Variants in PKNOX2 observed in about 807,000 individuals in gnomAD.
PKNOX2 encodes the protein homeobox protein PKNOX2.
A neutral mutation model predicts 53.1 loss-of-function variants in PKNOX2; 14 were observed. The ratio of observed to expected loss-of-function variants is 0.26; its 90% confidence interval spans 0.17 to 0.41. The LOEUF (loss-of-function observed/expected upper bound fraction) is 0.41. PKNOX2 is among the 10% of genes least tolerant of loss of function. The probability of loss-of-function intolerance (pLI) is 1.00; values close to 1 mark genes in which losing one functional copy is unlikely to be tolerated. For synonymous variants in PKNOX2, 257 were observed against 242.8 expected (o/e 1.06, Z -0.54); for missense variants, 496 against 602.8 (o/e 0.82, Z 1.85).
intron 2 of PKNOX2, among the ~76,000 whole-genome samples, chr11:125,263,811 C>A (rs907908883): frequency 5.9e-5 from 9 of 152,232 alleles, no homozygotes; most frequent in Admixed American, 4.6e-4. Context: ...GCCAGCTTGG[C>A]CCAGTTGGAA....
chr11:125,205,244 G>A (rs1938949705), intron 1 of PKNOX2, among the ~76,000 whole-genome samples: 1 of 152,188 alleles, frequency 6.6e-6, no homozygotes, highest in Non-Finnish European at 1.5e-5. Flanking sequence ...AGTGGGGCTG[G>A]ACATTCTTTT....
At chr11:125,379,609 T>C (rs1953091881) in intron 5 of PKNOX2, among the ~76,000 whole-genome samples, 1 of 152,020 alleles carries the variant, frequency 6.6e-6, no homozygotes, top group Non-Finnish European at 1.5e-5. Flanking sequence ...CTCCAAGGCT[T>C]TGGTGTTGAT....
At chr11:125,173,701 T>G (rs1955495062) in intron 1 of PKNOX2, among the ~76,000 whole-genome samples, 1 of 152,184 alleles carries the variant, frequency 6.6e-6, no homozygotes, top group African/African-American at 2.4e-5. Context: ...GCAGGGGATA[T>G]CTCATGGCTA....
intron 1 of PKNOX2, among the ~76,000 whole-genome samples, chr11:125,214,670 C>A (rs1940272485): frequency 6.6e-6 from 1 of 152,096 alleles, no homozygotes; most frequent in African/African-American, 2.4e-5. Flanking sequence ...CACCATCAAT[C>A]AGGCAATGCA....
chr11:125,320,066 A>G (rs988312510), intron 2 of PKNOX2, among the ~76,000 whole-genome samples: 13 of 152,240 alleles, frequency 8.5e-5, no homozygotes, highest in Non-Finnish European at 1.6e-4. Context: ...TTTAAAGGAA[A>G]ACAGATGGAG....
At chr11:125,275,826 C>T (rs1418330262) in intron 2 of PKNOX2, among the ~76,000 whole-genome samples, 1 of 152,074 alleles carries the variant, frequency 6.6e-6, no homozygotes, top group African/African-American at 2.4e-5. Flanking sequence ...GTTGAGTAGA[C>T]AGTTGAATAC....
intron 2 of PKNOX2, among the ~76,000 whole-genome samples, chr11:125,274,693 C>G (rs543964812): frequency 5.3e-5 from 8 of 152,252 alleles, no homozygotes; most frequent in African/African-American, 1.9e-4. Flanking sequence ...GGGCCATGGC[C>G]TTTGTCTACT....
chr11:125,411,444 G>A, intron 9 of PKNOX2: 1 of 440,760 alleles, frequency 2.3e-6, no homozygotes, highest in Non-Finnish European at 4.1e-6. Flanking sequence ...TCTCTGCATG[G>A]CCCTGTTTCC....
intron 6 of PKNOX2, among the ~76,000 whole-genome samples, chr11:125,389,703 G>A (rs183804469): frequency 5.3e-5 from 8 of 152,310 alleles, no homozygotes; most frequent in Admixed American, 2.0e-4. Flanking sequence ...TCTGATTTAC[G>A]GGCCCCCGGT....
intron 2 of PKNOX2, among the ~76,000 whole-genome samples, chr11:125,264,456 G>A (rs146358875): frequency 2.6e-4 from 40 of 152,222 alleles, no homozygotes; most frequent in Admixed American, 1.5e-3. Flanking sequence ...CTGAGGTCAG[G>A]GATAGTGTCT....
chr11:125,275,216 T>C (rs1179935511), intron 2 of PKNOX2, among the ~76,000 whole-genome samples: 2 of 152,128 alleles, frequency 1.3e-5, no homozygotes, highest in East Asian at 3.9e-4. Context: ...GGGAGGGCTC[T>C]CTAAGGATGG....
intron 5 of PKNOX2, among the ~76,000 whole-genome samples, chr11:125,375,310 C>T (rs1952772474): frequency 6.6e-6 from 1 of 152,162 alleles, no homozygotes; most frequent in African/African-American, 2.4e-5. Context: ...AGCAGAGATT[C>T]TCTCATACAG....
intron 2 of PKNOX2, among the ~76,000 whole-genome samples, chr11:125,282,912 G>A (rs1177671812): frequency 6.6e-6 from 1 of 152,188 alleles, no homozygotes; most frequent in Non-Finnish European, 1.5e-5. Flanking sequence ...AGCACTTTGG[G>A]GTGCTGAGGC....
chr11:125,304,311 G>A (rs1948277073), intron 2 of PKNOX2, among the ~76,000 whole-genome samples: 1 of 152,252 alleles, frequency 6.6e-6, no homozygotes. Flanking sequence ...AGGAAGCTGG[G>A]TGTTATCTTA....
intron 1 of PKNOX2, among the ~76,000 whole-genome samples, chr11:125,221,858 A>C (rs1250602291): frequency 6.6e-6 from 1 of 152,196 alleles, no homozygotes; most frequent in Non-Finnish European, 1.5e-5. Flanking sequence ...TCCTGTCCCC[A>C]AAATGACAGT....
Position 125,270,432 on chromosome 11 carries a change from G to A in PKNOX2, c.-130+35317G>A, listed in dbSNP as rs186229515. 1.8e-3 allele frequency among the ~76,000 whole-genome samples: 279 copies of A among 152,282 alleles called. 3 individuals carry two copies. The highest frequency in any genetic ancestry group is 0.014 in the Middle Eastern group (4 of 294). ...GGCCCAGACCTGGGGCTGAAGCCTTGGAGGTTTGAATTTCAGCTTTCATGT... is the reference window on the plus strand; with the variant it reads ...GGCCCAGACCTGGGGCTGAAGCCTTAGAGGTTTGAATTTCAGCTTTCATGT... On this transcript the variant is annotated intron_variant, in intron 2 of 12. Coordinates refer to ENST00000298282, the MANE Select transcript of PKNOX2 (RefSeq NM_001382323.2).
At chr11:125,380,069 T>C (rs979792358) in intron 5 of PKNOX2, among the ~76,000 whole-genome samples, 8 of 152,134 alleles carry the variant, frequency 5.3e-5, no homozygotes, top group African/African-American at 1.9e-4. Flanking sequence ...CGCGATCATC[T>C]CTTCTTCCCC....
chr11:125,349,595 A>C (rs1244868226), intron 3 of PKNOX2, among the ~76,000 whole-genome samples: 1 of 151,818 alleles, frequency 6.6e-6, no homozygotes, highest in Non-Finnish European at 1.5e-5. Flanking sequence ...ACCCACCTCC[A>C]CCTCATTTTC....
chr11:125,239,525 G>A (rs1942989402), intron 2 of PKNOX2: 1 of 152,206 alleles, frequency 6.6e-6, no homozygotes, highest in South Asian at 2.1e-4. Flanking sequence ...CTAAAAGGGT[G>A]GATGTTTTAC....
Sources: allele counts gnomAD v4.1 joint callset (sites outside exome capture counted in the v4.1 genomes callset), GRCh38; gene constraint gnomAD v4.1.1; transcripts MANE v1.5; gene names NCBI Gene and HGNC (gene_info 2026-07-23, HGNC 2026-07-21).